Variants in BIRC6 observed in about 807,000 individuals in gnomAD.
The protein encoded by BIRC6 is dual E2 ubiquitin-conjugating enzyme/E3 ubiquitin-protein ligase BIRC6.
BIRC6 carries 98 observed loss-of-function variants against 503.3 expected under a neutral mutation model. That is an observed-to-expected ratio of 0.19 (90% confidence interval 0.17 to 0.23). The LOEUF (loss-of-function observed/expected upper bound fraction) is 0.23, where lower values mean the gene tolerates loss of function less well. Ranked by LOEUF, BIRC6 falls within the 10% of genes least tolerant of loss-of-function variation. BIRC6 has a pLI of 1.00. For missense variants in BIRC6, 5,360 were observed against 5,806.0 expected (o/e 0.92, Z 2.50); for synonymous variants, 2,240 against 2,078.7 (o/e 1.08, Z -2.11).
chr2:32,609,854 A>G (rs1210011544), intron 72 of BIRC6, among the ~76,000 whole-genome samples: 3 of 152,080 alleles, frequency 2.0e-5, no homozygotes, highest in East Asian at 1.9e-4. Flanking sequence ...AAAAGCAAAT[A>G]TGTATAATTT....
In BIRC6 at chr2:32,436,052, G is replaced by A; in HGVS notation, c.3500-1G>A. The A allele has an allele frequency of 7.2e-7, 1 of 1,381,278 alleles. No homozygotes were observed. Among genetic ancestry groups the A allele is most frequent in the Non-Finnish European group, 9.5e-7 (1 of 1,049,496 alleles). The allele number at this position is 1,381,278 out of a possible 1,614,324, so 85.6% of individuals were successfully genotyped here. A position where few individuals can be genotyped will look rare whatever the true frequency, so the allele number is the denominator to read the frequency against. On this transcript the variant is annotated splice_acceptor_variant, in intron 14 of 73. Transcript: ENST00000421745. LOFTEE classifies it high-confidence loss of function. ...AGAAAAATATGTATTTTTCTTTTTA[G>A]GTCTTAGATTATGTCCATTTTTGGA...
At chr2:32,409,727 TA>T (rs2041641724) in intron 9 of BIRC6, among the ~76,000 whole-genome samples, 1 of 152,210 alleles carries the variant, frequency 6.6e-6, no homozygotes, top group African/African-American at 2.4e-5. Context: ...GAAGTTTGGT[TA>T]ACACTACCCA....
At chr2:32,590,825 T>C in intron 66 of BIRC6, 1 of 985,880 alleles carries the variant, frequency 1.0e-6, no homozygotes, top group Non-Finnish European at 1.2e-6. Context: ...CACAACCAGA[T>C]TCAACGTATG....
intron 71 of BIRC6, 144 bp from the exon 72 acceptor site, chr2:32,607,311 G>A (rs2062541245): frequency 1.8e-6 from 1 of 569,012 alleles, no homozygotes; most frequent in Non-Finnish European, 2.9e-6. Context: ...ATATTTCAAT[G>A]TTATAATCAT....
chr2:32,461,887 C>CT (rs1389242874), intron 23 of BIRC6, among the ~76,000 whole-genome samples: 1 of 152,022 alleles, frequency 6.6e-6, no homozygotes, highest in Non-Finnish European at 1.5e-5. Flanking sequence ...GTACTTAATA[C>CT]TTTTTTCTTG....
intron 9 of BIRC6, 123 bp downstream of exon 9, chr2:32,406,680 C>A: frequency 1.7e-6 from 1 of 599,196 alleles, no homozygotes. Flanking sequence ...CTAGTATACA[C>A]AGAAGACTGA....
intron 3 of BIRC6, among the ~76,000 whole-genome samples, chr2:32,388,005 A>G (rs1344010018): frequency 1.3e-5 from 2 of 152,222 alleles, no homozygotes; most frequent in East Asian, 3.8e-4. Flanking sequence ...GATTAAATTA[A>G]GCTAATTAAC....
At chr2:32,392,846 T>C (rs2039419607) in intron 5 of BIRC6, among the ~76,000 whole-genome samples, 1 of 151,956 alleles carries the variant, frequency 6.6e-6, no homozygotes, top group Non-Finnish European at 1.5e-5. Context: ...TTTCTGGTGT[T>C]GCCCAGACTG....
chr2:32,499,580 T>C lies in BIRC6; in HGVS notation c.8502T>C (p.Asp2834=). The C allele has an allele frequency of 6.2e-7, 1 of 1,613,226 alleles. No individual in the cohort carries two copies. Among genetic ancestry groups the C allele is most frequent in the South Asian group, 1.1e-5 (1 of 91,006 alleles). ...GAFQTGQGPL[D]AQVKLLEFTL... The stretch of plus-strand genomic sequence containing the variant: ...TCCAGACAGGCCAAGGACCTCTCGA[T>C]GCCCAAGTGAAGCTCTTAGAATTCA... The change falls in exon 46 of 74, where the codon GAT becomes GAC. Residue 2834 remains aspartate, a synonymous_variant. Coordinates refer to ENST00000421745, the MANE Select transcript of BIRC6 (RefSeq NM_016252.4).
At chr2:32,444,661 G>A (rs1170613828) in intron 20 of BIRC6, among the ~76,000 whole-genome samples, 1 of 152,044 alleles carries the variant, frequency 6.6e-6, no homozygotes, top group African/African-American at 2.4e-5. Flanking sequence ...CATGGAGGGA[G>A]GATTGCTTGA....
intron 54 of BIRC6, among the ~76,000 whole-genome samples, chr2:32,513,970 C>G (rs1350603841): frequency 1.3e-5 from 2 of 149,002 alleles, no homozygotes; most frequent in African/African-American, 5.0e-5. Context: ...ACTTGGGAGG[C>G]TGAGGCGCAA....
chr2:32,525,082 A>G, intron 58 of BIRC6, 63 bp downstream of exon 58: 9 of 1,342,014 alleles, frequency 6.7e-6, no homozygotes, highest in Non-Finnish European at 8.8e-6. Context: ...TTAGAATTTT[A>G]GTTACAGGAA....
At position 32,615,640 on chromosome 2, in the gene BIRC6, T is replaced by C. The variant is rs2151800639; in HGVS notation, c.14395-2085T>C. On this transcript the variant is annotated intron_variant, in intron 73 of 73. Transcript: ENST00000421745. ...TATTTAGTTTTTATTTATTTTATTT[T>C]ATTTTATTTTTGAGATGGAGTCTCG... Among the ~76,000 whole-genome samples, 3 of 152,240 alleles carry C rather than the reference T, an allele frequency of 2.0e-5. No homozygotes were observed. The South Asian group carries it at 6.2e-4, about 32-fold the overall frequency.
chr2:32,539,522 T>A (rs906265538), intron 61 of BIRC6, among the ~76,000 whole-genome samples: 7 of 152,176 alleles, frequency 4.6e-5, no homozygotes, highest in African/African-American at 1.7e-4. Context: ...CCAATAGCGG[T>A]AAGATCTAGA....
At chr2:32,374,874 T>C (rs1367675387) in intron 1 of BIRC6, among the ~76,000 whole-genome samples, 1 of 152,124 alleles carries the variant, frequency 6.6e-6, no homozygotes, top group Non-Finnish European at 1.5e-5. Flanking sequence ...CTAAGTGTTG[T>C]ATTATGGGTG....
At chr2:32,420,112 A>G (rs932969212) in intron 10 of BIRC6, among the ~76,000 whole-genome samples, 2 of 152,170 alleles carry the variant, frequency 1.3e-5, no homozygotes, top group African/African-American at 2.4e-5. Context: ...TTTTGTTCAT[A>G]GTTTTTGCAT....
intron 61 of BIRC6, among the ~76,000 whole-genome samples, chr2:32,538,821 A>G (rs1252227407): frequency 6.6e-6 from 1 of 152,194 alleles, no homozygotes; most frequent in Non-Finnish European, 1.5e-5. Context: ...AATCCCAGCT[A>G]CTTGAGAGGC....
intron 8 of BIRC6, among the ~76,000 whole-genome samples, chr2:32,403,774 A>G (rs2040862752): frequency 6.6e-6 from 1 of 152,194 alleles, no homozygotes; most frequent in Non-Finnish European, 1.5e-5. Context: ...GCTTTAGTAA[A>G]TACAGTGCCT....
intron 59 of BIRC6, chr2:32,528,227 C>CTT (rs961322150): frequency 4.2e-5 from 6 of 144,494 alleles, no homozygotes; most frequent in Non-Finnish European, 7.6e-5. Flanking sequence ...CTGCTTTTTC[C>CTT]TTTTTTTTTT....
Sources: gnomAD v4.1 joint callset for allele counts (sites outside exome capture counted in the v4.1 genomes callset) on GRCh38, gnomAD v4.1.1 for gene constraint, MANE v1.5 for transcripts, NCBI Gene and HGNC (gene_info 2026-07-23, HGNC 2026-07-21) for gene names.